DHTKD1: variants seen among roughly 807,000 people sequenced by gnomAD.
The protein encoded by DHTKD1 is 2-oxoadipate dehydrogenase complex component E1.
Under a neutral mutation model 101.8 loss-of-function variants are expected in DHTKD1, and 78 were observed. The ratio of observed to expected loss-of-function variants is 0.77; its 90% CI spans 0.64 to 0.93. The LOEUF is 0.93. DHTKD1 is among the 40% of genes least tolerant of loss of function. The pLI, the probability that DHTKD1 is intolerant of heterozygous loss-of-function variation, is 0.00. For missense variants in DHTKD1, 1,223 were observed against 1,161.7 expected (o/e 1.05, Z -0.77); for synonymous variants, 462 against 450.3 (o/e 1.03, Z -0.33).
Position 12,116,845 on chromosome 10 carries a change from A to G in DHTKD1, c.2320-828A>G, listed in dbSNP as rs183939789. Among the ~76,000 whole-genome samples, 650 of 151,858 alleles carry G rather than the reference A, an allele frequency of 4.3e-3. 7 individuals carry two copies. Among genetic ancestry groups the G allele is most frequent in the African/African-American group, 0.012 (486 of 41,412 alleles). The stretch of plus-strand genomic sequence containing the variant: ...CTCCTGAGTAGCTGGGACTACAGGC[A>G]TGCGCTACCACACCTGGCCAATTTT... On this transcript the variant is annotated intron_variant, in intron 13 of 16. Transcript: ENST00000263035.
intron 13 of DHTKD1, among the ~76,000 whole-genome samples, chr10:12,117,204 T>C (rs1056145446): frequency 6.6e-6 from 1 of 152,054 alleles, no homozygotes; most frequent in Admixed American, 6.6e-5. Flanking sequence ...GAGATGGGAT[T>C]TCACCATGTT....
intron 4 of DHTKD1, among the ~76,000 whole-genome samples, chr10:12,088,407 G>C (rs1167169600): frequency 1.3e-5 from 2 of 151,838 alleles, no homozygotes; most frequent in Non-Finnish European, 2.9e-5. Flanking sequence ...AGGAGATGGA[G>C]GCTGCAGTGA....
In DHTKD1 at chr10:12,087,459, C is replaced by A; in HGVS notation, c.523-76C>A. 1.5e-6 allele frequency: 2 copies of A among 1,339,480 alleles called. No homozygotes were observed. The highest frequency in any genetic ancestry group is 2.1e-6 in the Non-Finnish European group (2 of 969,324). The allele number at this position is 1,339,480 out of a possible 1,614,324, so 83.0% of individuals were successfully genotyped here. Reference sequence around the variant, plus strand: ...GGGAGTGTGGGGCCATCTCACAACACACACAGACTTATCTGCCTTCCACTG... The same window carrying A: ...GGGAGTGTGGGGCCATCTCACAACAAACACAGACTTATCTGCCTTCCACTG... On this transcript the variant is annotated intron_variant, in intron 3 of 16. Transcript: ENST00000263035. This position sits in a 1 kb window ranked among gnomAD's most constrained non-coding sequence, Gnocchi z 5.2.
In DHTKD1 at chr10:12,089,194, A is replaced by G. The variant is rs1832951035; in HGVS notation, c.926A>G (p.Gln309Arg). 1 of 1,614,044 alleles carries G rather than the reference A, an allele frequency of 6.2e-7. No homozygotes were observed. Among genetic ancestry groups the G allele is most frequent in the African/African-American group, 1.3e-5 (1 of 74,926 alleles). The change falls in exon 5 of 17, where the codon CAA becomes CGA. Residue 309 changes from glutamine (Q) to arginine (R), a missense_variant. Coordinates refer to ENST00000263035, the MANE Select transcript of DHTKD1 (RefSeq NM_018706.7). ...ACTCGCGGCAGGCAGCAGTCTCGCC[A>G]AGACGGCGATTACTCTCCAGACAAC... ...GKTRGRQQSR[Q>R]DGDYSPDNSA...
Position 12,120,867 on chromosome 10 carries a change from C to T in DHTKD1, c.2739C>T (p.Ile913=), listed in dbSNP as rs1263405042. 1 of 1,613,858 alleles carries T rather than the reference C, an allele frequency of 6.2e-7. No individual in the cohort carries two copies. Among genetic ancestry groups the T allele is most frequent in the Non-Finnish European group, 8.5e-7 (1 of 1,179,908 alleles). The change falls in exon 17 of 17, where the codon ATC becomes ATT. Residue 913 remains isoleucine (I), a synonymous_variant. Transcript: ENST00000263035. ...TTCACTTGCACCAGCATGAAGATAT[C>T]CTCGCCAAGACCTTCGCTTGATGAT... ...GTVHLHQHED[I]LAKTFA is the part of the protein sequence containing the mutation.
chr10:12,101,959 A>G (rs2131616884), intron 10 of DHTKD1, among the ~76,000 whole-genome samples: 1 of 152,232 alleles, frequency 6.6e-6, no homozygotes, highest in South Asian at 2.1e-4. Flanking sequence ...TGCCTTAAGG[A>G]TAGTAGTGGA....
Position 12,082,284 on chromosome 10 carries a change from C to A in DHTKD1, c.310+657C>A, listed in dbSNP as rs184192006. Among the ~76,000 whole-genome samples, 19 of 152,228 alleles carry A rather than the reference C, an allele frequency of 1.2e-4. 1 individual carries two copies. The highest frequency in any genetic ancestry group is 7.2e-4 in the Admixed American group (11 of 15,264). On this transcript the variant is annotated intron_variant, in intron 2 of 16. Coordinates refer to ENST00000263035, the MANE Select transcript of DHTKD1 (RefSeq NM_018706.7). ...TATATGACTCATAGCTGCTCAGTGG[C>A]AGAGGTGGGGTGAAATCCAGGGCTA...
intron 8 of DHTKD1, among the ~76,000 whole-genome samples, chr10:12,099,005 A>G (rs1386105713): frequency 2.6e-5 from 4 of 152,104 alleles, no homozygotes; most frequent in Non-Finnish European, 5.9e-5. Context: ...CCTTATCGCT[A>G]GTAAAGATTA....
chr10:12,087,474 GC>G lies in DHTKD1; in HGVS notation c.523-59del. ...TCTCACAACACACACAGACTTATCT[GC>G]CTTCCACTGGAGAAGCTGGCTGTCT... On this transcript the variant is annotated intron_variant, in intron 3 of 16. Coordinates refer to ENST00000263035, the MANE Select transcript of DHTKD1 (RefSeq NM_018706.7). The surrounding 1 kb of genome is among the most constrained non-coding windows in gnomAD (Gnocchi z 5.2). 6.9e-7 allele frequency: 1 copy of G among 1,456,990 alleles called. No individual in the cohort carries two copies. Among genetic ancestry groups the G allele is most frequent in the African/African-American group, 1.4e-5 (1 of 71,238 alleles). The allele number at this position is 1,456,990 out of a possible 1,614,324, so 90.3% of individuals were successfully genotyped here.
chr10:12,087,393 C>G lies in DHTKD1; in HGVS notation c.523-142C>G. On this transcript the variant is annotated intron_variant, in intron 3 of 16. Coordinates refer to ENST00000263035, the MANE Select transcript of DHTKD1 (RefSeq NM_018706.7). This position sits in a 1 kb window ranked among gnomAD's most constrained non-coding sequence, Gnocchi z 5.2. ...CCCGCTGTGTCCGTGTTATGTCTCT[C>G]TCCGGGATATGTAGTAAAGTGGCAT... 1.6e-6 allele frequency: 1 copy of G among 636,238 alleles called. No homozygotes were observed. The highest frequency in any genetic ancestry group is 2.7e-6 in the Non-Finnish European group (1 of 372,778). 39.4% of individuals were successfully genotyped at this position (636,238 alleles called of 1,614,324 possible). A position where few individuals can be genotyped will look rare whatever the true frequency, so the allele number is the denominator to read the frequency against.
intron 16 of DHTKD1, 118 bp downstream of exon 16, chr10:12,120,385 G>C (rs1223899039): frequency 1.8e-5 from 15 of 833,764 alleles, no homozygotes; most frequent in Non-Finnish European, 2.6e-5. Flanking sequence ...CCAGGCTGGA[G>C]TGCAGTGGCG....
intron 8 of DHTKD1, among the ~76,000 whole-genome samples, chr10:12,098,442 T>G (rs1029682196): frequency 6.6e-6 from 1 of 152,188 alleles, no homozygotes; most frequent in Non-Finnish European, 1.5e-5. Flanking sequence ...ACCACCCTGG[T>G]GGACCTGGGA....
At chr10:12,075,210 C>G (rs569511721) in intron 1 of DHTKD1, among the ~76,000 whole-genome samples, 1 of 152,002 alleles carries the variant, frequency 6.6e-6, no homozygotes, top group Non-Finnish European at 1.5e-5. Flanking sequence ...GACGGAGTCT[C>G]GCTCTGTCAC....
chr10:12,119,438 A>T (rs1422318937), intron 15 of DHTKD1, among the ~76,000 whole-genome samples: 1 of 150,320 alleles, frequency 6.7e-6, no homozygotes, highest in African/African-American at 2.5e-5. Flanking sequence ...ACACAGTGAA[A>T]CCCCGTCTCT....
In DHTKD1 at chr10:12,108,090, T is replaced by C. The variant is rs938993326; in HGVS notation, c.2154+75T>C. ...AGCTTTTCTACCTCCTGCGGATAGCTTAACGCCCACCTAACTGTAACACAG... is the reference window on the plus strand; with the variant it reads ...AGCTTTTCTACCTCCTGCGGATAGCCTAACGCCCACCTAACTGTAACACAG... On this transcript the variant is annotated intron_variant, in intron 12 of 16. Transcript: ENST00000263035. 7.4e-5 allele frequency: 79 copies of C among 1,067,818 alleles called. No individual in the cohort carries two copies. The African/African-American group carries it at 1.1e-3, about 15-fold the overall frequency. The allele number at this position is 1,067,818 out of a possible 1,614,324, so 66.1% of individuals were successfully genotyped here.
chr10:12,107,441 G>A lies in DHTKD1; in HGVS notation c.2048-468G>A, dbSNP rs1001695217. 6.6e-6 allele frequency among the ~76,000 whole-genome samples: 1 copy of A among 151,940 alleles called. No homozygotes were observed. Among genetic ancestry groups the A allele is most frequent in the Non-Finnish European group, 1.5e-5 (1 of 67,968 alleles). On this transcript the variant is annotated intron_variant, in intron 11 of 16. Transcript: ENST00000263035. This position sits in a 1 kb window ranked among gnomAD's most constrained non-coding sequence, Gnocchi z 4.1. ...AGGTTATGGCTTTCTTTTTTGAGAC[G>A]GTGTCTCACTCTGTCCCTCAGGCTG... is the stretch of plus-strand genomic sequence containing the variant.
rs771751313 is a variant in DHTKD1 at position 12,084,762 on chromosome 10, G to T, written c.522+11G>T. On this transcript the variant is annotated intron_variant, in intron 3 of 16. Transcript: ENST00000263035. The stretch of plus-strand genomic sequence containing the variant: ...ATGCTGGAATCTCAGGTAAAAAGGA[G>T]CATCTAGGCCGGGCACGGTGGCTCA... 8.7e-6 allele frequency: 14 copies of T among 1,612,900 alleles called. No homozygotes were observed. Among genetic ancestry groups the T allele is most frequent in the Non-Finnish European group, 1.1e-5 (13 of 1,179,430 alleles).
intron 1 of DHTKD1, among the ~76,000 whole-genome samples, chr10:12,080,891 A>C (rs1832805532): frequency 6.6e-6 from 1 of 150,676 alleles, no homozygotes; most frequent in African/African-American, 2.4e-5. Flanking sequence ...ACATGGTTAA[A>C]CTCCATCTCA....
At chr10:12,073,979 C>G (rs1340489047) in intron 1 of DHTKD1, among the ~76,000 whole-genome samples, 2 of 152,188 alleles carry the variant, frequency 1.3e-5, no homozygotes, top group Non-Finnish European at 2.9e-5. Flanking sequence ...AAGAGGAGTG[C>G]AGGCGTGTAT....
Sources: gnomAD v4.1 joint callset for allele counts (sites outside exome capture counted in the v4.1 genomes callset) on GRCh38, gnomAD v4.1.1 for gene constraint, Gnocchi (gnomAD v3.1) non-coding constraint, MANE v1.5 for transcripts, NCBI Gene and HGNC (gene_info 2026-07-23, HGNC 2026-07-21) for gene names.